Variants in HSDL2 observed in about 807,000 individuals in gnomAD.
HSDL2 encodes hydroxysteroid dehydrogenase-like protein 2.
HSDL2 carries 27 observed loss-of-function variants against 46.3 expected under a neutral mutation model. That is an observed-to-expected ratio of 0.58 (90% confidence interval 0.43 to 0.80). The LOEUF (loss-of-function observed/expected upper bound fraction) is 0.80. Among genes scored for constraint, HSDL2 ranks in the 30% least tolerant of loss-of-function variants. The pLI is 0.00. For missense variants in HSDL2, 451 were observed against 502.7 expected (o/e 0.90, Z 0.98); for synonymous variants, 153 against 163.6 (o/e 0.94, Z 0.50).
intron 4 of HSDL2, among the ~76,000 whole-genome samples, chr9:112,411,300 T>C (rs1392961080): frequency 6.6e-6 from 1 of 152,226 alleles, no homozygotes; most frequent in African/African-American, 2.4e-5. Flanking sequence ...TGTTTGTAGA[T>C]GTAAGGCATA....
chr9:112,456,258 A>T (rs535599771), intron 9 of HSDL2, among the ~76,000 whole-genome samples: 2 of 152,296 alleles, frequency 1.3e-5, no homozygotes, highest in East Asian at 3.9e-4. Flanking sequence ...TCAGAGCCAG[A>T]CTTATTTTCA....
At chr9:112,413,036 A>C (rs553650025) in intron 4 of HSDL2, among the ~76,000 whole-genome samples, 1 of 152,246 alleles carries the variant, frequency 6.6e-6, no homozygotes, top group African/African-American at 2.4e-5. Context: ...TAAAAAAAAA[A>C]CACTAAATAA....
At chr9:112,389,459 TA>T (rs1401316090) in intron 1 of HSDL2, among the ~76,000 whole-genome samples, 7 of 150,956 alleles carry the variant, frequency 4.6e-5, no homozygotes, top group East Asian at 3.9e-4. Context: ...GATATGTGAA[TA>T]TTTTTTTTGT....
intron 10 of HSDL2, among the ~76,000 whole-genome samples, chr9:112,464,225 GACACACACAC>G (rs756529908): frequency 1.0e-3 from 5 of 4,828 alleles, no homozygotes; most frequent in Non-Finnish European, 2.6e-3. Context: ...CACACACACA[GACACACACAC>G]ACACACACAC....
Position 112,400,825 on chromosome 9 carries a change from G to T in HSDL2, c.18-3170G>T, listed in dbSNP as rs140101924. Among the ~76,000 whole-genome samples the T allele has an allele frequency of 4.9e-3, 742 of 152,284 alleles. 4 individuals carry two copies. The highest frequency in any genetic ancestry group is 8.0e-3 in the Non-Finnish European group (544 of 68,014). ...GCATCCCTCCAGGCTCTCTGCCTTTGTCATCACACATTCTCCATGTGGCTG... is the reference window on the plus strand; with the variant it reads ...GCATCCCTCCAGGCTCTCTGCCTTTTTCATCACACATTCTCCATGTGGCTG... On this transcript the variant is annotated intron_variant, in intron 1 of 10. Transcript: ENST00000398805.
chr9:112,414,258 CAGGG>C (rs1476457835), intron 4 of HSDL2, among the ~76,000 whole-genome samples: 1 of 152,158 alleles, frequency 6.6e-6, no homozygotes, highest in Non-Finnish European at 1.5e-5. Context: ...CCTAATTAGA[CAGGG>C]AGGAAAGTCT....
intron 4 of HSDL2, among the ~76,000 whole-genome samples, chr9:112,412,958 T>A (rs1006216689): frequency 6.6e-6 from 1 of 151,494 alleles, no homozygotes; most frequent in Non-Finnish European, 1.5e-5. Context: ...AAATTACAGT[T>A]AAAATTAAAA....
intron 9 of HSDL2, among the ~76,000 whole-genome samples, chr9:112,455,042 T>C (rs1296843641): frequency 6.6e-6 from 1 of 152,062 alleles, no homozygotes; most frequent in Admixed American, 6.6e-5. Flanking sequence ...ATATTGTTCT[T>C]CTCCATATAA....
chr9:112,437,464 A>G (rs924622754), intron 6 of HSDL2, among the ~76,000 whole-genome samples: 1 of 152,080 alleles, frequency 6.6e-6, no homozygotes, highest in African/African-American at 2.4e-5. Flanking sequence ...TAGATGATAT[A>G]TCATAATTTA....
At chr9:112,391,071 G>T (rs1297572181) in intron 1 of HSDL2, among the ~76,000 whole-genome samples, 1 of 151,958 alleles carries the variant, frequency 6.6e-6, no homozygotes, top group Non-Finnish European at 1.5e-5. Flanking sequence ...AACTATTTAG[G>T]AGGCTGAGGC....
In HSDL2 at chr9:112,380,178, C is replaced by G; in HGVS notation, c.15C>G (p.Thr5=). The G allele has an allele frequency of 1.3e-6, 2 of 1,572,014 alleles. 1 individual carries two copies. The highest frequency in any genetic ancestry group is 4.7e-5 in the East Asian group (2 of 42,472). ...CTACGAAAGTCATGTTACCCAACACCGGGTAAGGGGGTAGGGGCGGCGCGG... is the reference window on the plus strand; with the variant it reads ...CTACGAAAGTCATGTTACCCAACACGGGGTAAGGGGGTAGGGGCGGCGCGG... MLPN[T]GRLAGCTVFI... The change falls in exon 1 of 11, where the codon ACC becomes ACG. Residue 5 remains threonine (T), a splice_region_variant and synonymous_variant. Coordinates refer to ENST00000398805, the MANE Select transcript of HSDL2 (RefSeq NM_032303.5).
intron 8 of HSDL2, among the ~76,000 whole-genome samples, chr9:112,452,445 GATAA>G (rs1351655514): frequency 6.6e-6 from 1 of 152,062 alleles, no homozygotes; most frequent in Admixed American, 6.6e-5. Context: ...ATTCTAGAAT[GATAA>G]ATAAAGGAAC....
chr9:112,465,490 A>G (rs1222340612), intron 10 of HSDL2, among the ~76,000 whole-genome samples: 1 of 152,160 alleles, frequency 6.6e-6, no homozygotes, highest in Non-Finnish European at 1.5e-5. Context: ...GTGCTGTGCA[A>G]CCACCCCTCC....
rs144489362 is a variant in HSDL2, at chr9:112,400,539, G to A, written c.18-3456G>A. On this transcript the variant is annotated intron_variant, in intron 1 of 10. Transcript: ENST00000398805. ...GGAGAATCGCTTGAACCTGGGAGGC[G>A]GAGGTTGCAGTGAGCCAAGATCGTG... Among the ~76,000 whole-genome samples the A allele has an allele frequency of 3.7e-3, 564 of 152,274 alleles. 23 individuals carry two copies. In the East Asian group the frequency reaches 0.095, roughly 26 times the overall value.
intron 4 of HSDL2, among the ~76,000 whole-genome samples, chr9:112,414,402 A>G (rs367621388): frequency 6.6e-6 from 1 of 152,232 alleles, no homozygotes; most frequent in Non-Finnish European, 1.5e-5. Context: ...AGAGTCTGGC[A>G]CATAGTTAGG....
intron 8 of HSDL2, among the ~76,000 whole-genome samples, chr9:112,452,443 A>G (rs1564130191): frequency 6.6e-6 from 1 of 152,120 alleles, no homozygotes; most frequent in African/African-American, 2.4e-5. Flanking sequence ...TGATTCTAGA[A>G]TGATAAATAA....
chr9:112,453,939 G>A (rs1832950287), intron 8 of HSDL2, 74 bp from the exon 9 acceptor site: 12 of 1,227,052 alleles, frequency 9.8e-6, no homozygotes, highest in Non-Finnish European at 1.3e-5. Flanking sequence ...AGTCTGTCCT[G>A]CTGATTAATT....
chr9:112,433,485 G>A (rs1587952599), intron 6 of HSDL2, among the ~76,000 whole-genome samples: 1 of 152,130 alleles, frequency 6.6e-6, no homozygotes, highest in South Asian at 2.1e-4. Context: ...AGAAGCAGAG[G>A]ATTAATAATA....
chr9:112,419,100 C>T (rs529380165), intron 6 of HSDL2, 142 bp downstream of exon 6: 1 of 426,004 alleles, frequency 2.3e-6, no homozygotes, highest in Admixed American at 3.0e-5. Flanking sequence ...CCTCTGCCTC[C>T]TGGGTTCAAG....
Sources: gnomAD v4.1 joint callset for allele counts (sites outside exome capture counted in the v4.1 genomes callset) on GRCh38, gnomAD v4.1.1 for gene constraint, MANE v1.5 for transcripts, NCBI Gene and HGNC (gene_info 2026-07-23, HGNC 2026-07-21) for gene names.